CELF2: variants seen among roughly 807,000 people sequenced by gnomAD.
The protein encoded by CELF2 is CUGBP Elav-like family member 2.
A neutral mutation model predicts 62.6 loss-of-function variants in CELF2; 8 were observed. The observed-to-expected ratio is 0.13, with a 90% CI of 0.07 to 0.23. The LOEUF (loss-of-function observed/expected upper bound fraction) is 0.23, where lower values mean the gene tolerates loss of function less well. Among genes scored for constraint, CELF2 ranks in the 10% least tolerant of loss-of-function variants. The pLI is 1.00. For missense variants in CELF2, 333 were observed against 671.0 expected (o/e 0.50, Z 5.56); for synonymous variants, 258 against 250.0 (o/e 1.03, Z -0.30).
intron 1 of CELF2, among the ~76,000 whole-genome samples, chr10:10,845,290 C>G (rs1430869081): frequency 2.0e-5 from 3 of 148,772 alleles, no homozygotes; most frequent in Non-Finnish European, 4.4e-5. Context: ...AAAGAAAATG[C>G]AGTCTCAGTT....
chr10:11,199,233 A>G (rs2058670633), intron 2 of CELF2, among the ~76,000 whole-genome samples: 7 of 152,208 alleles, frequency 4.6e-5, no homozygotes, highest in Admixed American at 3.9e-4. Flanking sequence ...AGAAGACAGT[A>G]TGAGATGCAT....
chr10:11,114,454 A>G (rs2056066012), intron 1 of CELF2, among the ~76,000 whole-genome samples: 1 of 152,218 alleles, frequency 6.6e-6, no homozygotes, highest in Admixed American at 6.5e-5. Flanking sequence ...TTTTTATAAC[A>G]CCAAATAAGG....
At chr10:10,790,066 CT>C in the CELF2 span, among the ~76,000 whole-genome samples, 13 of 151,824 alleles carry the variant, frequency 8.6e-5, no homozygotes, top group Non-Finnish European at 1.3e-4. Context: ...GTATATTTAA[CT>C]TTTCTGTCTG....
chr10:10,693,377 A>T, the CELF2 span, among the ~76,000 whole-genome samples: 1 of 141,476 alleles, frequency 7.1e-6, no homozygotes, highest in East Asian at 2.1e-4. Context: ...ATCATGGTGG[A>T]TAAGCTTTTT....
the CELF2 span, among the ~76,000 whole-genome samples, chr10:10,554,810 G>C: frequency 6.6e-6 from 1 of 152,126 alleles, no homozygotes; most frequent in African/African-American, 2.4e-5. Flanking sequence ...CTCCAGAAAT[G>C]CACCCCTTCC....
At chr10:11,286,498 GT>G (rs1309735977) in intron 8 of CELF2, among the ~76,000 whole-genome samples, 1 of 152,198 alleles carries the variant, frequency 6.6e-6, no homozygotes, top group African/African-American at 2.4e-5. Context: ...CACAGCCTTG[GT>G]GCTCCCTCAC....
At chr10:11,144,588 T>A (rs1231340491) in intron 1 of CELF2, among the ~76,000 whole-genome samples, 2 of 141,184 alleles carry the variant, frequency 1.4e-5, no homozygotes, top group African/African-American at 2.6e-5. Flanking sequence ...CTGTATTATT[T>A]AAAAAAAAAA....
In CELF2 at chr10:11,010,537, A is replaced by G. The variant is rs1053252985; in HGVS notation, c.53+5097A>G. Among the ~76,000 whole-genome samples the G allele has an allele frequency of 2.6e-5, 4 of 152,216 alleles. No homozygotes were observed. The highest frequency in any genetic ancestry group is 5.9e-5 in the Non-Finnish European group (4 of 68,046). On this transcript the variant is annotated intron_variant, in intron 1 of 12. Coordinates refer to the CELF2 transcript ENST00000416382. This position sits in a 1 kb window ranked among gnomAD's most constrained non-coding sequence, Gnocchi z 4.1. ...GGTTACTTTGATCTTGTATAATTTAATCCTCAGATATCCAAGAGTTAATGG... is the reference window on the plus strand; with the variant it reads ...GGTTACTTTGATCTTGTATAATTTAGTCCTCAGATATCCAAGAGTTAATGG...
At chr10:10,953,871 T>C (rs1383110194) in intron 2 of CELF2, among the ~76,000 whole-genome samples, 1 of 150,852 alleles carries the variant, frequency 6.6e-6, no homozygotes, top group Non-Finnish European at 1.5e-5. Context: ...CTCTATTTCA[T>C]AGGCCTGCTA....
chr10:11,164,389 T>A (rs1447896125), intron 1 of CELF2, among the ~76,000 whole-genome samples: 2 of 152,242 alleles, frequency 1.3e-5, no homozygotes, highest in East Asian at 3.8e-4. Flanking sequence ...AAGTGCGGGC[T>A]GTACACAGCA....
the CELF2 span, among the ~76,000 whole-genome samples, chr10:10,622,014 A>G: frequency 6.6e-6 from 1 of 152,216 alleles, no homozygotes; most frequent in Non-Finnish European, 1.5e-5. Context: ...AAGATGAAAA[A>G]CGAAGTAATT....
intron 2 of CELF2, among the ~76,000 whole-genome samples, chr10:11,202,996 C>A (rs2059628982): frequency 6.7e-6 from 1 of 148,942 alleles, no homozygotes; most frequent in African/African-American, 2.5e-5. Context: ...ATTGGCCCTA[C>A]AGTCCAAAGG....
At chr10:10,513,000 A>G in the CELF2 span, among the ~76,000 whole-genome samples, 1 of 152,146 alleles carries the variant, frequency 6.6e-6, no homozygotes, top group Admixed American at 6.5e-5. Context: ...TACATTCAAT[A>G]CCATGAAAAC....
At chr10:11,294,315 G>A (rs77460231) in intron 9 of CELF2, among the ~76,000 whole-genome samples, 6,208 of 152,128 alleles carry the variant, frequency 0.041, 190 homozygotes, top group Middle Eastern at 0.044. Flanking sequence ...GTAGTCTTCC[G>A]GTGCCTGCCC....
chr10:10,476,080 G>A, the CELF2 span, among the ~76,000 whole-genome samples: 1 of 152,056 alleles, frequency 6.6e-6, no homozygotes. Context: ...GGTTAGCATG[G>A]CTTAGTTAGG....
the CELF2 span, among the ~76,000 whole-genome samples, chr10:10,598,751 C>CTCTTTTTTTTTTTTT: frequency 2.9e-5 from 2 of 69,586 alleles, no homozygotes; most frequent in Non-Finnish European, 6.1e-5. Context: ...CTTTTTCTTT[C>CTCTTTTTTTTTTTTT]TTTTTTTTTT....
chr10:11,243,387 A>C lies in CELF2; in HGVS notation c.355-5766A>C, dbSNP rs1322815999. Among the ~76,000 whole-genome samples, 1 of 152,004 alleles carries C rather than the reference A, an allele frequency of 6.6e-6. No homozygotes were observed. Among genetic ancestry groups the C allele is most frequent in the Non-Finnish European group, 1.5e-5 (1 of 68,004 alleles). On this transcript the variant is annotated intron_variant, in intron 3 of 12. Coordinates refer to ENST00000633077, the MANE Select transcript of CELF2 (RefSeq NM_001326342.2). This position sits in a 1 kb window ranked among gnomAD's most constrained non-coding sequence, Gnocchi z 4.1. ...AAAAAAAAAAAAAAAGCTTCTAAAA[A>C]TTCATGTACCATCAAGGAAATCTTC...
intron 1 of CELF2, among the ~76,000 whole-genome samples, chr10:11,096,793 G>T (rs144192426): frequency 1.3e-5 from 2 of 152,278 alleles, no homozygotes; most frequent in East Asian, 3.9e-4. Flanking sequence ...CTGCTTACTT[G>T]TCCTCTATCT....
chr10:10,512,492 C>A, the CELF2 span, among the ~76,000 whole-genome samples: 2 of 150,898 alleles, frequency 1.3e-5, no homozygotes, highest in South Asian at 4.2e-4. Flanking sequence ...CTGCAACCTC[C>A]GCCTCCCAGG....
Sources: allele counts gnomAD v4.1 joint callset (sites outside exome capture counted in the v4.1 genomes callset), GRCh38; gene constraint gnomAD v4.1.1; non-coding constraint Gnocchi (gnomAD v3.1); transcripts MANE v1.5; gene names NCBI Gene and HGNC (gene_info 2026-07-23, HGNC 2026-07-21).